The following ANO2 variants were observed in gnomAD, a reference collection of about 807,000 sequenced individuals.
ANO2 encodes the protein anoctamin 2.
A neutral mutation model predicts 124.2 loss-of-function variants in ANO2; 101 were observed. The observed-to-expected ratio is 0.81, with a 90% CI of 0.69 to 0.96. The LOEUF (loss-of-function observed/expected upper bound fraction) is 0.96. Ranked by LOEUF, ANO2 falls within the 40% of genes least tolerant of loss-of-function variation. ANO2 has a pLI of 0.00. For synonymous variants in ANO2, 486 were observed against 482.5 expected (o/e 1.01, Z -0.09); for missense variants, 1,293 against 1,274.5 (o/e 1.01, Z -0.22).
chr12:5,700,489 G>A (rs1032402998), intron 14 of ANO2, among the ~76,000 whole-genome samples: 1 of 152,112 alleles, frequency 6.6e-6, no homozygotes, highest in Non-Finnish European at 1.5e-5. Context: ...GAGAAAGCAG[G>A]AAAGATCTAA....
chr12:5,586,515 G>A (rs1188499288), intron 20 of ANO2, among the ~76,000 whole-genome samples: 6 of 152,136 alleles, frequency 3.9e-5, no homozygotes, highest in Admixed American at 3.3e-4. Flanking sequence ...CAGTGCTGAT[G>A]GTTTCTCAGG....
intron 1 of ANO2, among the ~76,000 whole-genome samples, chr12:5,934,884 T>C (rs1942583051): frequency 6.6e-6 from 1 of 152,082 alleles, no homozygotes; most frequent in South Asian, 2.1e-4. Flanking sequence ...CTCTCCAAAG[T>C]AGGAATAGGT....
At chr12:5,654,724 A>C (rs1024632177) in intron 14 of ANO2, among the ~76,000 whole-genome samples, 1 of 152,172 alleles carries the variant, frequency 6.6e-6, no homozygotes, top group African/African-American at 2.4e-5. Flanking sequence ...CCACAGTCCA[A>C]GTAATGTTGA....
intron 4 of ANO2, among the ~76,000 whole-genome samples, chr12:5,846,162 A>T (rs1376642731): frequency 6.6e-6 from 1 of 152,228 alleles, no homozygotes; most frequent in Admixed American, 6.5e-5. Flanking sequence ...CTGTATTTGG[A>T]TATAGAAGTA....
chr12:5,765,291 A>T (rs1404667000), intron 10 of ANO2, among the ~76,000 whole-genome samples: 4 of 152,210 alleles, frequency 2.6e-5, no homozygotes, highest in Non-Finnish European at 5.9e-5. Context: ...GCTGAAACCC[A>T]GGTACCCGGG....
At chr12:5,927,051 T>A (rs1331556939) in intron 1 of ANO2, among the ~76,000 whole-genome samples, 1 of 152,206 alleles carries the variant, frequency 6.6e-6, no homozygotes, top group African/African-American at 2.4e-5. Flanking sequence ...GCCTCCTTCA[T>A]CCGTCTCTTC....
chr12:5,698,024 T>TG (rs778048791), intron 14 of ANO2, among the ~76,000 whole-genome samples: 1 of 152,338 alleles, frequency 6.6e-6, no homozygotes, highest in Non-Finnish European at 1.5e-5. Context: ...ACTCCACCTC[T>TG]GGGGGCAGGG....
At chr12:5,881,985 G>C (rs1383430026) in intron 3 of ANO2, among the ~76,000 whole-genome samples, 1 of 152,214 alleles carries the variant, frequency 6.6e-6, no homozygotes, top group African/African-American at 2.4e-5. Context: ...GCAAAGGTTA[G>C]AGATGAGTGG....
In ANO2 at chr12:5,900,887, A is replaced by G. The variant is rs140687559; in HGVS notation, c.534+20153T>C. ...TCAGGAGACTCAGAGAAAGCCCAAC[A>G]GCTGGGACAGGTCTCAGTCTAGGTC... is the stretch of plus-strand genomic sequence containing the variant. On this transcript the variant is annotated intron_variant, in intron 3 of 24. Transcript: ENST00000682330. This position sits in a 1 kb window ranked among gnomAD's most constrained non-coding sequence, Gnocchi z 4.2. 6.6e-6 allele frequency among the ~76,000 whole-genome samples: 1 copy of G among 152,356 alleles called. No individual in the cohort carries two copies. The highest frequency in any genetic ancestry group is 1.9e-4 in the East Asian group (1 of 5,190).
chr12:5,665,279 C>T (rs572215748), intron 14 of ANO2, among the ~76,000 whole-genome samples: 6 of 152,128 alleles, frequency 3.9e-5, no homozygotes, highest in Non-Finnish European at 7.3e-5. Flanking sequence ...CATCCTATCT[C>T]CTGGCTCTGA....
intron 16 of ANO2, among the ~76,000 whole-genome samples, chr12:5,617,777 C>G (rs530600150): frequency 6.6e-6 from 1 of 152,272 alleles, no homozygotes; most frequent in South Asian, 2.1e-4. Context: ...CACAGTGCCA[C>G]GCTCTCTTTC....
intron 3 of ANO2, among the ~76,000 whole-genome samples, chr12:5,859,932 C>T (rs748219935): frequency 4.6e-5 from 7 of 152,182 alleles, no homozygotes; most frequent in African/African-American, 7.2e-5. Flanking sequence ...GGCTAAGTTA[C>T]GTCTCATCTT....
At chr12:5,916,942 C>T (rs1204305503) in intron 3 of ANO2, among the ~76,000 whole-genome samples, 1 of 152,174 alleles carries the variant, frequency 6.6e-6, no homozygotes, top group Non-Finnish European at 1.5e-5. Flanking sequence ...TTTTGGAAGA[C>T]AGAGACAACG....
chr12:5,892,854 CT>C (rs1232778372), intron 3 of ANO2, among the ~76,000 whole-genome samples: 15 of 152,186 alleles, frequency 9.9e-5, no homozygotes, highest in Admixed American at 5.9e-4. Context: ...AAAATGTTAA[CT>C]GTCTGTGCAA....
intron 16 of ANO2, among the ~76,000 whole-genome samples, chr12:5,618,080 A>C (rs1364520904): frequency 6.6e-6 from 1 of 152,224 alleles, no homozygotes; most frequent in Non-Finnish European, 1.5e-5. Context: ...TGCTGCATCA[A>C]CTGGGGTTCA....
intron 20 of ANO2, among the ~76,000 whole-genome samples, chr12:5,584,909 C>T (rs912853361): frequency 1.3e-5 from 2 of 152,166 alleles, no homozygotes; most frequent in Admixed American, 1.3e-4. Context: ...CAAGCATTTA[C>T]TGAGCACATT....
intron 2 of ANO2, 55 bp downstream of exon 2, chr12:5,922,565 G>A: frequency 6.7e-7 from 1 of 1,482,578 alleles, no homozygotes; most frequent in South Asian, 1.3e-5. Context: ...AGGCTCCTTG[G>A]TGGCCTGCAA....
intron 3 of ANO2, among the ~76,000 whole-genome samples, chr12:5,871,729 CA>C: frequency 6.6e-6 from 1 of 152,248 alleles, no homozygotes; most frequent in East Asian, 1.9e-4. Flanking sequence ...TCCCTGGTGC[CA>C]AAAAGGTTGG....
chr12:5,932,103 A>T lies in ANO2; in HGVS notation c.23-9299T>A, dbSNP rs1478350881. Among the ~76,000 whole-genome samples the T allele has an allele frequency of 1.3e-4, 16 of 126,410 alleles. 1 individual carries two copies. Among genetic ancestry groups the T allele is most frequent in the Non-Finnish European group, 1.7e-5 (1 of 58,776 alleles). 82.9% of individuals were successfully genotyped at this position (126,410 alleles called of 152,430 possible). A position where few individuals can be genotyped will look rare whatever the true frequency, so the allele number is the denominator to read the frequency against. ...AAAGAAGGTAGACGAGTGAGGAAAG[A>T]AGATAGACTAGTAAGGAAGGAAGAC... On this transcript the variant is annotated intron_variant, in intron 1 of 24. Transcript: ENST00000682330.
Sources: allele counts gnomAD v4.1 joint callset (sites outside exome capture counted in the v4.1 genomes callset), GRCh38; gene constraint gnomAD v4.1.1; non-coding constraint Gnocchi (gnomAD v3.1); transcripts MANE v1.5; gene names NCBI Gene and HGNC (gene_info 2026-07-23, HGNC 2026-07-21).